The following GALNT7 variants were observed in gnomAD, a reference collection of about 807,000 sequenced individuals.
The protein encoded by GALNT7 is polypeptide N-acetylgalactosaminyltransferase 7.
Under a neutral mutation model 82.1 loss-of-function variants are expected in GALNT7, and 60 were observed. That is an observed-to-expected ratio of 0.73 (90% CI 0.59 to 0.91). The LOEUF is 0.91. GALNT7 is among the 40% of genes least tolerant of loss of function. The probability of loss-of-function intolerance (pLI) is 0.00; values close to 1 mark genes in which losing one functional copy is unlikely to be tolerated. For synonymous variants in GALNT7, 243 were observed against 275.1 expected (o/e 0.88, Z 1.15); for missense variants, 660 against 804.2 (o/e 0.82, Z 2.17).
At chr4:173,180,849 T>C (rs186072981) in intron 1 of GALNT7, among the ~76,000 whole-genome samples, 222 of 152,362 alleles carry the variant, frequency 1.5e-3, no homozygotes, top group African/African-American at 5.2e-3. Flanking sequence ...ATTTGATCAT[T>C]GTGTTTCTTA....
chr4:173,202,957 T>C (rs900416909), intron 1 of GALNT7, among the ~76,000 whole-genome samples: 4 of 152,330 alleles, frequency 2.6e-5, no homozygotes, highest in Middle Eastern at 6.8e-3. Context: ...GTATATTTTA[T>C]CTGATACAAA....
chr4:173,196,311 G>A (rs1488010783), intron 1 of GALNT7, among the ~76,000 whole-genome samples: 2 of 151,972 alleles, frequency 1.3e-5, no homozygotes, highest in African/African-American at 4.8e-5. Flanking sequence ...TTTTAATAGA[G>A]ACGGGGTTTC....
chr4:173,293,072 A>T (rs945549222), intron 3 of GALNT7, among the ~76,000 whole-genome samples: 4 of 152,194 alleles, frequency 2.6e-5, no homozygotes, highest in African/African-American at 9.6e-5. Flanking sequence ...TGAGATGAAC[A>T]AAAATCTAAA....
chr4:173,278,746 T>C (rs747233750), intron 2 of GALNT7, among the ~76,000 whole-genome samples: 3 of 152,240 alleles, frequency 2.0e-5, no homozygotes, highest in Non-Finnish European at 4.4e-5. Context: ...AAAGGAATTA[T>C]ATCCAGACTA....
At chr4:173,220,964 G>A (rs1018924943) in intron 1 of GALNT7, among the ~76,000 whole-genome samples, 49 of 151,610 alleles carry the variant, frequency 3.2e-4, no homozygotes, top group African/African-American at 1.1e-3. Flanking sequence ...ATAAACATAC[G>A]TGTGCATGTG....
chr4:173,291,648 AT>A (rs1736535873), intron 2 of GALNT7, among the ~76,000 whole-genome samples: 1 of 152,214 alleles, frequency 6.6e-6, no homozygotes, highest in Non-Finnish European at 1.5e-5. Flanking sequence ...CCTGTTTAAT[AT>A]CTTTCTGAAT....
intron 1 of GALNT7, among the ~76,000 whole-genome samples, chr4:173,208,389 T>C (rs1733165862): frequency 6.6e-6 from 1 of 152,244 alleles, no homozygotes; most frequent in Admixed American, 6.5e-5. Context: ...TAATATTTGA[T>C]ATTTTAAAAA....
chr4:173,226,286 T>C (rs1357217835), intron 1 of GALNT7, among the ~76,000 whole-genome samples: 1 of 152,236 alleles, frequency 6.6e-6, no homozygotes, highest in Non-Finnish European at 1.5e-5. Flanking sequence ...TCATTCACCA[T>C]AAACTCAAAG....
At chr4:173,184,200 G>A (rs1445319661) in intron 1 of GALNT7, among the ~76,000 whole-genome samples, 2 of 152,072 alleles carry the variant, frequency 1.3e-5, no homozygotes, top group African/African-American at 2.4e-5. Context: ...ACGGGGTGGC[G>A]GCCGGGCAGA....
Position 173,280,106 on chromosome 4 carries a change from C to CT in GALNT7, c.588-11999dup, listed in dbSNP as rs368488226. Among the ~76,000 whole-genome samples the CT allele has an allele frequency of 7.3e-3, 1,117 of 152,280 alleles. 13 individuals carry two copies. The highest frequency in any genetic ancestry group is 0.025 in the African/African-American group (1,042 of 41,552). On this transcript the variant is annotated intron_variant, in intron 2 of 11. Transcript: ENST00000265000. ...TAAGGGGAGAGAATCAAAAATGACT[C>CT]TTTGTCTTGAGACTCCTAGTGAATG...
At chr4:173,313,397 C>T (rs1056915806) in intron 8 of GALNT7, among the ~76,000 whole-genome samples, 1 of 139,534 alleles carries the variant, frequency 7.2e-6, no homozygotes, top group South Asian at 2.4e-4. Context: ...AATGAGACTC[C>T]ATCTACACAA....
chr4:173,284,770 A>G (rs1736258326), intron 2 of GALNT7, among the ~76,000 whole-genome samples: 3 of 149,756 alleles, frequency 2.0e-5, no homozygotes, highest in African/African-American at 5.1e-5. Context: ...CCTTATTACT[A>G]CATGAATAGA....
intron 1 of GALNT7, among the ~76,000 whole-genome samples, chr4:173,220,127 G>T (rs569446807): frequency 2.0e-4 from 30 of 152,182 alleles, no homozygotes; most frequent in Admixed American, 5.9e-4. Flanking sequence ...TTGTGGTTTT[G>T]GATCTTAGAT....
At chr4:173,299,393 C>A (rs188774431) in intron 6 of GALNT7, among the ~76,000 whole-genome samples, 95 of 152,138 alleles carry the variant, frequency 6.2e-4, no homozygotes, top group Non-Finnish European at 8.1e-4. Flanking sequence ...GGGTGCTGAG[C>A]AAATTTATAT....
chr4:173,273,696 T>C (rs974632749), intron 2 of GALNT7, among the ~76,000 whole-genome samples: 1 of 152,190 alleles, frequency 6.6e-6, no homozygotes, highest in African/African-American at 2.4e-5. Flanking sequence ...CTTGACCCTC[T>C]GGTATATACT....
intron 1 of GALNT7, among the ~76,000 whole-genome samples, chr4:173,174,958 T>C (rs1447930644): frequency 6.6e-6 from 1 of 152,124 alleles, no homozygotes; most frequent in Non-Finnish European, 1.5e-5. Flanking sequence ...TGTTAGACAA[T>C]AGTAAATTGG....
chr4:173,203,093 G>T (rs549139757), intron 1 of GALNT7, among the ~76,000 whole-genome samples: 1 of 151,328 alleles, frequency 6.6e-6, no homozygotes, highest in East Asian at 1.9e-4. Flanking sequence ...GACAGCAATA[G>T]TTAGGTCTTG....
At chr4:173,245,780 C>G (rs1441816223) in intron 1 of GALNT7, among the ~76,000 whole-genome samples, 1 of 152,216 alleles carries the variant, frequency 6.6e-6, no homozygotes, top group Non-Finnish European at 1.5e-5. Flanking sequence ...TTACCTCTCT[C>G]TTACAGTCAT....
chr4:173,258,593 G>A (rs1735130514), intron 2 of GALNT7, among the ~76,000 whole-genome samples: 1 of 152,182 alleles, frequency 6.6e-6, no homozygotes, highest in Non-Finnish European at 1.5e-5. Context: ...TATATGCCTA[G>A]CAGTATGCTG....
Sources: allele counts gnomAD v4.1 joint callset (sites outside exome capture counted in the v4.1 genomes callset), GRCh38; gene constraint gnomAD v4.1.1; transcripts MANE v1.5; gene names NCBI Gene and HGNC (gene_info 2026-07-23, HGNC 2026-07-21).